UNC45A: variants seen among roughly 807,000 people sequenced by gnomAD.
UNC45A encodes unc-45 myosin chaperone A.
A neutral mutation model predicts 103.2 loss-of-function variants in UNC45A; 78 were observed. That is an observed-to-expected ratio of 0.76 (90% CI 0.63 to 0.91). The LOEUF (loss-of-function observed/expected upper bound fraction) is 0.91. Among genes scored for constraint, UNC45A ranks in the 40% least tolerant of loss-of-function variants. The pLI, the probability that UNC45A is intolerant of heterozygous loss-of-function variation, is 0.00. For missense variants in UNC45A, 1,193 were observed against 1,224.8 expected, an observed-to-expected ratio of 0.97 and a Z score of 0.39; for synonymous variants, 495 against 504.6, an observed-to-expected ratio of 0.98 and a Z score of 0.25.
chr15:90,948,878 T>TA (rs1414382742), intron 13 of UNC45A, 84 bp downstream of exon 13: 1 of 737,792 alleles, frequency 1.4e-6, no homozygotes, highest in African/African-American at 4.3e-5. Context: ...AACCTCCCTT[T>TA]TTTTTTTTTT....
In UNC45A at chr15:90,936,188, C is replaced by G. The variant is rs769900698; in HGVS notation, c.251-97C>G. 9.4e-5 allele frequency: 144 copies of G among 1,535,034 alleles called. 1 individual carries two copies. In the Admixed American group the frequency reaches 2.7e-3, roughly 29 times the overall value. On this transcript the variant is annotated intron_variant, in intron 3 of 19. Transcript: ENST00000418476. The stretch of plus-strand genomic sequence containing the variant: ...GCACCGAGCCCCACATTCGTCCCCC[C>G]CACCTTCTTCTGGCCTTTCCTCGAG...
chr15:90,944,153 G>A (rs1596226128), intron 8 of UNC45A, among the ~76,000 whole-genome samples: 1 of 151,936 alleles, frequency 6.6e-6, no homozygotes, highest in East Asian at 1.9e-4. Flanking sequence ...TTGGGAGGCC[G>A]AGGTGGGCAG....
chr15:90,944,166 C>T (rs2036443207), intron 8 of UNC45A, among the ~76,000 whole-genome samples: 1 of 151,634 alleles, frequency 6.6e-6, no homozygotes, highest in Admixed American at 6.6e-5. Context: ...GTGGGCAGAC[C>T]ACAAGATCAG....
chr15:90,931,774 G>A (rs1219699488), upstream of UNC45A: 15 of 1,613,970 alleles, frequency 9.3e-6, no homozygotes, highest in Non-Finnish European at 1.2e-5. Context: ...GTTTGGCCCC[G>A]GGGCTACTGT....
At chr15:90,946,970 A>C in intron 10 of UNC45A, 56 bp downstream of exon 10, 1 of 1,558,848 alleles carries the variant, frequency 6.4e-7, no homozygotes, top group Non-Finnish European at 8.7e-7. Flanking sequence ...GTCCTGGTCC[A>C]GCCGGTGTTG....
In UNC45A at chr15:90,939,846, G is replaced by A. The variant is rs756019589; in HGVS notation, c.519+23G>A. On this transcript the variant is annotated intron_variant, in intron 5 of 19. Coordinates refer to ENST00000418476, the MANE Select transcript of UNC45A (RefSeq NM_018671.5). Reference sequence around the variant, plus strand: ...AAGGTATAGGCCCTGGGCTGAGTCAGTGAGTGAGCTCCCACTAGAGCCACC... The same window carrying A: ...AAGGTATAGGCCCTGGGCTGAGTCAATGAGTGAGCTCCCACTAGAGCCACC... The A allele has an allele frequency of 3.7e-6, 6 of 1,609,502 alleles. 1 individual carries two copies. In the South Asian group the frequency reaches 4.4e-5, roughly 12 times the overall value.
chr15:90,931,182 A>G (rs1199597591), upstream of UNC45A: 5 of 1,431,310 alleles, frequency 3.5e-6, no homozygotes, highest in Admixed American at 4.3e-5. Flanking sequence ...GGAAGGATGG[A>G]GGGAGCTCAG....
In UNC45A at chr15:90,946,622, T is replaced by A. The variant is rs979322958; in HGVS notation, c.1208T>A (p.Phe403Tyr). The change falls in exon 10 of 20, where the codon TTT (phenylalanine) becomes TAT (tyrosine). Residue 403 changes from phenylalanine to tyrosine, a missense_variant. Physicochemically the swap from Phe to Tyr is conservative, Grantham distance 22. Coordinates refer to ENST00000418476, the MANE Select transcript of UNC45A (RefSeq NM_018671.5). ...RLCENYIKSW[F>Y]EGQGLAGKLR... ...CACCCTGTGCCCCTCAGGAGCTGGT[T>A]TGAGGGCCAAGGGCTGGCCGGGAAG... The A allele has an allele frequency of 6.2e-7, 1 of 1,603,680 alleles. No individual in the cohort carries two copies. The highest frequency in any genetic ancestry group is 1.3e-5 in the African/African-American group (1 of 74,748).
At position 90,946,795 on chromosome 15, in the gene UNC45A, CTG is replaced by C; in HGVS notation, c.1382_1383del (p.Leu461HisfsTer8). On this transcript the variant is annotated frameshift_variant, in exon 10 of 20. Coordinates refer to ENST00000418476, the MANE Select transcript of UNC45A (RefSeq NM_018671.5). LOFTEE classifies it high-confidence loss of function. ...EEEQLVAVEA[L>X]IHAAGKAKRA... ...GGAGCAGCTGGTGGCCGTGGAGGCT[CTG>C]ATCCATGCAGCCGGCAAGGCTAAGC... The C allele has an allele frequency of 6.2e-7, 1 of 1,614,220 alleles. No homozygotes were observed. Among genetic ancestry groups the C allele is most frequent in the Non-Finnish European group, 8.5e-7 (1 of 1,180,050 alleles).
intron 6 of UNC45A, among the ~76,000 whole-genome samples, chr15:90,941,504 C>G (rs973210492): frequency 2.0e-5 from 3 of 152,144 alleles, no homozygotes; most frequent in African/African-American, 7.2e-5. Context: ...CTGGGTCTCC[C>G]AAGGCTAAGA....
intron 16 of UNC45A, 97 bp downstream of exon 16, chr15:90,950,364 G>C (rs914573035): frequency 6.8e-7 from 1 of 1,480,458 alleles, no homozygotes; most frequent in Admixed American, 2.0e-5. Context: ...GGAAGTTTCA[G>C]CTTTGTCAAG....
intron 17 of UNC45A, chr15:90,952,417 C>T (rs974287055): frequency 6.4e-6 from 1 of 155,560 alleles, no homozygotes; most frequent in Non-Finnish European, 1.4e-5. Flanking sequence ...GGGGGAGGTG[C>T]CACACACTTT....
At chr15:90,932,562 T>A, upstream of UNC45A, 3 of 1,232,174 alleles carry the variant, frequency 2.4e-6, no homozygotes, top group South Asian at 6.6e-5. Context: ...GGCCGACGAC[T>A]GCGGCCGCAG....
upstream of UNC45A, chr15:90,932,649 G>A (rs779144052): frequency 1.0e-4 from 61 of 607,706 alleles, no homozygotes; most frequent in Non-Finnish European, 1.4e-4. Flanking sequence ...TCAGCGGGCC[G>A]AGTTGGGCCT....
At chr15:90,933,422 G>T (rs985499506), upstream of UNC45A, 2 of 152,358 alleles carry the variant, frequency 1.3e-5, no homozygotes, top group Admixed American at 6.5e-5. Context: ...GGGTAAGAGA[G>T]ACCTGGTGAT....
Position 90,936,362 on chromosome 15 carries a change from C to G in UNC45A, c.328C>G (p.Gln110Glu). ...CCTAGAGAAGCTGGGCCGCCTGGAC[C>G]AGGCTGTCCTTGACCTGCAGAGATG... is the stretch of plus-strand genomic sequence containing the variant. ...QALEKLGRLD[Q>E]AVLDLQRCVS... The change falls in exon 4 of 20, where the codon CAG (glutamine) becomes GAG (glutamate). Residue 110 changes from glutamine (Q) to glutamate (E), a missense_variant. Gln to Glu is a conservative substitution (Grantham distance 29). Transcript: ENST00000418476. The G allele has an allele frequency of 6.2e-7, 1 of 1,614,232 alleles. No homozygotes were observed. The highest frequency in any genetic ancestry group is 8.5e-7 in the Non-Finnish European group (1 of 1,180,042).
In UNC45A at chr15:90,953,871, C is replaced by G; in HGVS notation, c.*155C>G. 1 of 1,127,614 alleles carries G rather than the reference C, an allele frequency of 8.9e-7. No individual in the cohort carries two copies. The highest frequency in any genetic ancestry group is 1.2e-6 in the Non-Finnish European group (1 of 806,138). 69.9% of individuals were successfully genotyped at this position (1,127,614 alleles called of 1,614,324 possible). On this transcript the variant is annotated 3_prime_UTR_variant, in exon 20 of 20. Coordinates refer to ENST00000418476, the MANE Select transcript of UNC45A (RefSeq NM_018671.5). ...TAGGATGTCCTCTGTTCTGAGTCAG[C>G]GGCCACGTTCAGTCACACAGCCCTG...
intron 15 of UNC45A, 48 bp downstream of exon 15, chr15:90,949,768 T>C: frequency 6.3e-7 from 1 of 1,589,142 alleles, no homozygotes; most frequent in South Asian, 1.1e-5. Flanking sequence ...CATCAGCCTA[T>C]AAAACATGAC....
intron 3 of UNC45A, 84 bp from the exon 4 acceptor site, chr15:90,936,201 G>A: frequency 6.5e-7 from 1 of 1,540,708 alleles, no homozygotes; most frequent in Non-Finnish European, 8.7e-7. Context: ...CCTTCTTCTG[G>A]CCTTTCCTCG....
Sources: allele counts gnomAD v4.1 joint callset (sites outside exome capture counted in the v4.1 genomes callset), GRCh38; gene constraint gnomAD v4.1.1; transcripts MANE v1.5; gene names NCBI Gene and HGNC (gene_info 2026-07-23, HGNC 2026-07-21).